Variants in SEC13 observed in about 807,000 individuals in gnomAD.
SEC13 encodes the protein SEC13 homolog, nuclear pore and COPII component, also known as protein SEC13 homolog.
A neutral mutation model predicts 49.2 loss-of-function variants in SEC13; 25 were observed. That is an observed-to-expected ratio of 0.51 (90% CI 0.37 to 0.71). The LOEUF (loss-of-function observed/expected upper bound fraction) is 0.71, where lower values mean the gene tolerates loss of function less well. Among genes scored for constraint, SEC13 ranks in the 30% least tolerant of loss-of-function variants. SEC13 has a pLI of 0.00. For missense variants in SEC13, 383 were observed against 417.6 expected (o/e 0.92, Z 0.72); for synonymous variants, 148 against 163.9 (o/e 0.90, Z 0.74).
At position 10,301,392 on chromosome 3, in the gene SEC13, A is replaced by G; in HGVS notation, c.856-18T>C. 6.2e-7 allele frequency: 1 copy of G among 1,614,136 alleles called. No individual in the cohort carries two copies. Among genetic ancestry groups the G allele is most frequent in the Non-Finnish European group, 8.5e-7 (1 of 1,180,036 alleles). On this transcript the variant is annotated intron_variant, in intron 8 of 8. Transcript: ENST00000350697. ...AGGGTCACCTGCGAGTCAGTGCACA[A>G]GCAGATTATCACGGGTCTGTGCCCT...
chr3:10,309,772 C>CAAAT (rs1701134646), intron 5 of SEC13, among the ~76,000 whole-genome samples: 1 of 152,318 alleles, frequency 6.6e-6, no homozygotes, highest in Admixed American at 6.5e-5. Flanking sequence ...AATTTCACTT[C>CAAAT]AAATACTTTT....
intron 1 of SEC13, 84 bp downstream of exon 1, chr3:10,320,966 T>C (rs903656176): frequency 6.3e-7 from 1 of 1,588,720 alleles, no homozygotes; most frequent in Non-Finnish European, 8.5e-7. Flanking sequence ...AGCTTGGGAT[T>C]TGGGACTCAG....
At chr3:10,312,756 G>A (rs760526881) in intron 3 of SEC13, 26 bp from the exon 4 acceptor site, 4 of 1,613,526 alleles carry the variant, frequency 2.5e-6, no homozygotes, top group Middle Eastern at 1.7e-4. Flanking sequence ...TAGGCCAGAG[G>A]AACCCACAGT....
intron 5 of SEC13, among the ~76,000 whole-genome samples, chr3:10,307,072 G>C (rs946537495): frequency 3.3e-5 from 5 of 151,142 alleles, no homozygotes; most frequent in African/African-American, 1.2e-4. Context: ...TTTAAAAATT[G>C]AGACAGGGTC....
chr3:10,303,208 A>G (rs1700651289), intron 8 of SEC13, among the ~76,000 whole-genome samples: 1 of 152,256 alleles, frequency 6.6e-6, no homozygotes, highest in Non-Finnish European at 1.5e-5. Context: ...AAAGACCAAC[A>G]TAGGCAAGGG....
intron 3 of SEC13, chr3:10,313,012 A>G (rs1486660376): frequency 2.5e-6 from 1 of 393,086 alleles, no homozygotes; most frequent in Non-Finnish European, 4.7e-6. Flanking sequence ...ACTTGCCCAG[A>G]CTGCAGCCAG....
chr3:10,307,537 G>A (rs1559493910), intron 5 of SEC13, among the ~76,000 whole-genome samples: 4 of 152,132 alleles, frequency 2.6e-5, no homozygotes. Flanking sequence ...GGCAAGGGAG[G>A]AGCAAGTGAC....
At chr3:10,309,303 G>GAA (rs958921627) in intron 5 of SEC13, among the ~76,000 whole-genome samples, 5 of 152,200 alleles carry the variant, frequency 3.3e-5, no homozygotes, top group African/African-American at 9.6e-5. Flanking sequence ...TTAATTTTAA[G>GAA]AAAGTTTTCT....
chr3:10,305,193 C>T lies in SEC13; in HGVS notation c.585-37G>A, dbSNP rs73125674. ...GACAGAAAGAGAATCAGCAGGGGGC[C>T]GTTCCCACACCTCAACTCCTCCCCA... On this transcript the variant is annotated intron_variant, in intron 6 of 8. Coordinates refer to ENST00000350697, the MANE Select transcript of SEC13 (RefSeq NM_183352.3). 3.3e-3 allele frequency: 5,262 copies of T among 1,576,444 alleles called. 134 individuals carry two copies. The African/African-American group carries it at 0.058, about 17-fold the overall frequency.
Position 10,301,234 on chromosome 3 carries a change from G to A in SEC13, c.*27C>T, listed in dbSNP as rs765660563. ...GAAGGGGCAGTCCTGGAGCTGGCGG[G>A]TGGGGAGCCAGGCCCCACCTGTCTT... On this transcript the variant is annotated 3_prime_UTR_variant, in exon 9 of 9. Coordinates refer to ENST00000350697, the MANE Select transcript of SEC13 (RefSeq NM_183352.3). 12 of 1,614,186 alleles carry A rather than the reference G, an allele frequency of 7.4e-6. 1 individual carries two copies. In the South Asian group the frequency reaches 1.3e-4, roughly 18 times the overall value.
intron 5 of SEC13, chr3:10,311,739 C>G: frequency 3.6e-6 from 5 of 1,394,056 alleles, no homozygotes; most frequent in Non-Finnish European, 4.7e-6. Context: ...CACCAGCCCT[C>G]CCCTGCTTGG....
chr3:10,314,572 T>C (rs1316843526), intron 3 of SEC13, among the ~76,000 whole-genome samples: 3 of 152,068 alleles, frequency 2.0e-5, no homozygotes, highest in South Asian at 2.1e-4. Context: ...TGCATTTTTT[T>C]CCCCCTGTCC....
intron 2 of SEC13, 105 bp from the exon 3 acceptor site, chr3:10,315,541 A>C: frequency 1.5e-6 from 1 of 672,136 alleles, no homozygotes; most frequent in Admixed American, 2.5e-5. Context: ...ATCTCCCTGA[A>C]ATCAATCTGA....
intron 3 of SEC13, 99 bp from the exon 4 acceptor site, chr3:10,312,829 A>C: frequency 8.2e-7 from 1 of 1,224,862 alleles, no homozygotes; most frequent in African/African-American, 1.5e-5. Flanking sequence ...ATCAGGGCAG[A>C]ATTGCTTAAG....
At chr3:10,305,933 A>G in intron 5 of SEC13, 1 of 402,136 alleles carries the variant, frequency 2.5e-6, no homozygotes, top group East Asian at 3.5e-5. Context: ...TTTAAGAAAC[A>G]GGACATTTTC....
chr3:10,312,245 C>G, intron 4 of SEC13, 147 bp from the exon 5 acceptor site: 1 of 1,355,488 alleles, frequency 7.4e-7, no homozygotes, highest in East Asian at 2.5e-5. Context: ...CAACTGAGGA[C>G]ACAAAAAAAC....
At chr3:10,315,581 A>G in intron 2 of SEC13, 145 bp from the exon 3 acceptor site, 1 of 619,592 alleles carries the variant, frequency 1.6e-6, no homozygotes, top group Non-Finnish European at 2.9e-6. Context: ...TCAGGCAGGA[A>G]GCTAGCATGT....
At chr3:10,301,689 CCAGAG>C (rs1288125937) in intron 8 of SEC13, among the ~76,000 whole-genome samples, 3 of 152,188 alleles carry the variant, frequency 2.0e-5, no homozygotes, top group East Asian at 1.9e-4. Context: ...GGTCCCCAGA[CCAGAG>C]CAGAGCATCG....
intron 5 of SEC13, among the ~76,000 whole-genome samples, chr3:10,310,089 C>T (rs543653914): frequency 6.6e-6 from 1 of 152,290 alleles, no homozygotes; most frequent in South Asian, 2.1e-4. Flanking sequence ...TTATTGTGGG[C>T]CGCTTCCACT....
Sources: gnomAD v4.1 joint callset for allele counts (sites outside exome capture counted in the v4.1 genomes callset) on GRCh38, gnomAD v4.1.1 for gene constraint, MANE v1.5 for transcripts, NCBI Gene and HGNC (gene_info 2026-07-23, HGNC 2026-07-21) for gene names.